TRAF3IP1: variants seen among roughly 807,000 people sequenced by gnomAD.
TRAF3IP1 encodes the protein TRAF3-interacting protein 1.
Under a neutral mutation model 89.9 loss-of-function variants are expected in TRAF3IP1, and 53 were observed. That is an observed-to-expected ratio of 0.59 (90% CI 0.47 to 0.74). TRAF3IP1 has a LOEUF of 0.74. TRAF3IP1 is among the 30% of genes least tolerant of loss of function. The probability of loss-of-function intolerance (pLI) is 0.00; values close to 1 mark genes in which losing one functional copy is unlikely to be tolerated. For synonymous variants in TRAF3IP1, 311 were observed against 322.1 expected (o/e 0.97, Z 0.37); for missense variants, 806 against 866.1 (o/e 0.93, Z 0.87).
Position 238,349,398 on chromosome 2 carries a change from C to A in TRAF3IP1, c.1441C>A (p.Gln481Lys). Residue 481 changes from glutamine (Q) to lysine (K), a missense_variant, in exon 12 of 17, where the codon CAA (glutamine) becomes AAA (lysine). This residue lies in a region of TRAF3IP1 where 732 missense variants were observed against 780.5 expected (regional missense o/e 0.94). Coordinates refer to ENST00000373327, the MANE Select transcript of TRAF3IP1 (RefSeq NM_015650.4). ...VKRQDSMEALQMDRSGSGKTV... is the reference protein window; with the variant it reads ...VKRQDSMEALKMDRSGSGKTV... The stretch of plus-strand genomic sequence containing the variant: ...ACGGCAAGACAGCATGGAGGCGCTA[C>A]AAATGGATAGGTAAGGCTGGCTCAG... The A allele has an allele frequency of 1.9e-6, 3 of 1,614,068 alleles. No individual in the cohort carries two copies. The highest frequency in any genetic ancestry group is 2.5e-6 in the Non-Finnish European group (3 of 1,180,000).
At chr2:238,322,687 C>CA (rs71043130) in intron 1 of TRAF3IP1, among the ~76,000 whole-genome samples, 17,019 of 43,488 alleles carry the variant, frequency 0.39, 4,910 homozygotes, top group Middle Eastern at 0.47. Flanking sequence ...GACCCTGTCT[C>CA]AAAAAAAAAA....
intron 15 of TRAF3IP1, among the ~76,000 whole-genome samples, chr2:238,384,797 T>C (rs1700698545): frequency 6.6e-6 from 1 of 152,168 alleles, no homozygotes; most frequent in Admixed American, 6.5e-5. Context: ...GAATTGCTAG[T>C]AATTTTTTCC....
intron 15 of TRAF3IP1, among the ~76,000 whole-genome samples, chr2:238,362,745 G>T (rs532528489): frequency 2.0e-5 from 3 of 152,230 alleles, no homozygotes; most frequent in Admixed American, 1.3e-4. Context: ...AAACTAGAAC[G>T]TGTCAAATTT....
In TRAF3IP1 at chr2:238,384,072, C is replaced by T. The variant is rs540066996; in HGVS notation, c.1690-13387C>T. On this transcript the variant is annotated intron_variant, in intron 15 of 16. Coordinates refer to ENST00000373327, the MANE Select transcript of TRAF3IP1 (RefSeq NM_015650.4). ...TTCAGCTGTGGTCTTGCAGGGCCCC[C>T]CCCATCTGGATGCATCCTCCTTGGC... 9.9e-5 allele frequency among the ~76,000 whole-genome samples: 15 copies of T among 152,230 alleles called. No individual in the cohort carries two copies. In the South Asian group the frequency reaches 2.9e-3, roughly 29 times the overall value.
intron 15 of TRAF3IP1, among the ~76,000 whole-genome samples, chr2:238,366,719 TA>T (rs762790497): frequency 6.3e-4 from 96 of 151,808 alleles, no homozygotes; most frequent in Admixed American, 5.4e-3. Flanking sequence ...GTGCTTTGCA[TA>T]AAAAAAAATC....
At chr2:238,333,927 CAATT>C (rs1574901908) in intron 6 of TRAF3IP1, 29 bp from the exon 7 acceptor site, 2 of 1,535,848 alleles carry the variant, frequency 1.3e-6, no homozygotes, top group Non-Finnish European at 8.9e-7. Flanking sequence ...TGTAATACAT[CAATT>C]AATTTCTTTT....
chr2:238,321,096 G>A (rs1197722097), intron 1 of TRAF3IP1, among the ~76,000 whole-genome samples: 1 of 152,184 alleles, frequency 6.6e-6, no homozygotes, highest in East Asian at 1.9e-4. Flanking sequence ...CCGGCCTGTA[G>A]GCCCAATTCC....
chr2:238,325,840 A>G lies in TRAF3IP1; in HGVS notation c.224A>G (p.Lys75Arg), dbSNP rs1411722695. 1 of 1,611,972 alleles carries G rather than the reference A, an allele frequency of 6.2e-7. No individual in the cohort carries two copies. The highest frequency in any genetic ancestry group is 2.2e-5 in the East Asian group (1 of 44,890). ...GATGCAAAAATTAGCTTCCTACAAA[A>G]GGCCATAGACGTGGTTGTAATGGTG... is the stretch of plus-strand genomic sequence containing the variant. ...DKDAKISFLQ[K>R]AIDVVVMVSG... Residue 75 changes from lysine (K) to arginine (R), a missense_variant, in exon 3 of 17, where the codon AAG becomes AGG. Physicochemically the swap from Lys to Arg is conservative, Grantham distance 26 (BLOSUM62 2). Around this residue, in one of 3 missense-constraint regions of TRAF3IP1, gnomAD observed 732 missense variants for 780.5 expected, o/e 0.94. Coordinates refer to ENST00000373327, the MANE Select transcript of TRAF3IP1 (RefSeq NM_015650.4).
intron 15 of TRAF3IP1, among the ~76,000 whole-genome samples, chr2:238,391,977 A>C (rs1392753737): frequency 6.6e-6 from 1 of 152,198 alleles, no homozygotes; most frequent in Non-Finnish European, 1.5e-5. Flanking sequence ...ATTTTATTGA[A>C]TTCATTTCAG....
At chr2:238,385,679 C>T (rs897057172) in intron 15 of TRAF3IP1, among the ~76,000 whole-genome samples, 1 of 152,208 alleles carries the variant, frequency 6.6e-6, no homozygotes. Flanking sequence ...TTTCCGTGGA[C>T]TGCTAAGTCT....
At chr2:238,338,586 G>A (rs1452483933) in intron 8 of TRAF3IP1, 129 bp downstream of exon 8, 5 of 550,444 alleles carry the variant, frequency 9.1e-6, no homozygotes, top group Admixed American at 7.4e-5. Context: ...TTTTCATGAT[G>A]TATTGAAGAC....
rs1039222432 is a variant in TRAF3IP1, at chr2:238,325,728, C to T, written c.193-81C>T. ...GCTTTGTATGTAAACAGAAACTATC[C>T]TATGCCTGGTAAACATACAGAAGAT... On this transcript the variant is annotated intron_variant, in intron 2 of 16. Transcript: ENST00000373327. 6 of 1,355,232 alleles carry T rather than the reference C, an allele frequency of 4.4e-6. No homozygotes were observed. The African/African-American group carries it at 5.8e-5, about 13-fold the overall frequency. 84.0% of individuals were successfully genotyped at this position (1,355,232 alleles called of 1,614,324 possible).
At chr2:238,384,963 T>A (rs767879053) in intron 15 of TRAF3IP1, among the ~76,000 whole-genome samples, 2 of 151,920 alleles carry the variant, frequency 1.3e-5, no homozygotes, top group Non-Finnish European at 2.9e-5. Context: ...CAGGGAAGAG[T>A]CAGTCATTTC....
At chr2:238,366,202 C>G (rs1221420076) in intron 15 of TRAF3IP1, among the ~76,000 whole-genome samples, 4 of 152,104 alleles carry the variant, frequency 2.6e-5, no homozygotes, top group Non-Finnish European at 5.9e-5. Context: ...CGCCACTGCA[C>G]TCCAGCCTGG....
chr2:238,386,280 A>G (rs563942736), intron 15 of TRAF3IP1, among the ~76,000 whole-genome samples: 4 of 152,276 alleles, frequency 2.6e-5, no homozygotes, highest in South Asian at 2.1e-4. Context: ...TGTGTCAGCA[A>G]CTGGGCTTCT....
At chr2:238,390,795 A>C (rs1700963524) in intron 15 of TRAF3IP1, among the ~76,000 whole-genome samples, 1 of 152,136 alleles carries the variant, frequency 6.6e-6, no homozygotes, top group South Asian at 2.1e-4. Flanking sequence ...CAGAGAGGTC[A>C]TTCCAAGGTC....
In TRAF3IP1 at chr2:238,337,532, G is replaced by A. The variant is rs78413181; in HGVS notation, c.1064-830G>A. Among the ~76,000 whole-genome samples, 825 of 152,354 alleles carry A rather than the reference G, an allele frequency of 5.4e-3. 9 individuals are homozygous for A. Among genetic ancestry groups the A allele is most frequent in the Non-Finnish European group, 7.9e-3 (540 of 68,032 alleles). ...CAAGATTTGACTTAGGTTGTAGAAG[G>A]CCTCCTTTTAAAACTGTGGAGTGGC... On this transcript the variant is annotated intron_variant, in intron 7 of 16. Transcript: ENST00000373327.
chr2:238,366,370 TAGG>T (rs779371175), intron 15 of TRAF3IP1, among the ~76,000 whole-genome samples: 2 of 152,100 alleles, frequency 1.3e-5, no homozygotes, highest in South Asian at 2.1e-4. Flanking sequence ...TAAAGATAAT[TAGG>T]AGGAGATAGG....
intron 15 of TRAF3IP1, among the ~76,000 whole-genome samples, chr2:238,389,232 A>T (rs1002414464): frequency 1.6e-4 from 24 of 150,414 alleles, no homozygotes; most frequent in African/African-American, 4.9e-4. Context: ...CTTCTGAGAC[A>T]TTTTTTTTTA....
Sources: allele counts gnomAD v4.1 joint callset (sites outside exome capture counted in the v4.1 genomes callset), GRCh38; gene constraint gnomAD v4.1.1; regional missense constraint gnomAD v4.1.1; transcripts MANE v1.5; gene names NCBI Gene and HGNC (gene_info 2026-07-23, HGNC 2026-07-21).